Variants in WDFY3 observed in about 807,000 individuals in gnomAD.
WDFY3 encodes the protein WD repeat and FYVE domain containing 3.
Under a neutral mutation model 409.6 loss-of-function variants are expected in WDFY3, and 66 were observed. The observed-to-expected ratio is 0.16, with a 90% CI of 0.13 to 0.20. The LOEUF (loss-of-function observed/expected upper bound fraction) is 0.20, where lower values mean the gene tolerates loss of function less well. WDFY3 is among the 10% of genes least tolerant of loss of function. The pLI, the probability that WDFY3 is intolerant of heterozygous loss-of-function variation, is 1.00. For missense variants in WDFY3, 3,031 were observed against 4,298.1 expected (o/e 0.71, Z 8.24); for synonymous variants, 1,521 against 1,537.1 (o/e 0.99, Z 0.25).
chr4:84,670,907 G>C lies in WDFY3; in HGVS notation c.*1961C>G, dbSNP rs930754525. On this transcript the variant is annotated 3_prime_UTR_variant, in exon 68 of 68. Coordinates refer to ENST00000295888, the MANE Select transcript of WDFY3 (RefSeq NM_014991.6). ...GTGTGGGGGGAGTAAGACACAGAAA[G>C]GAAAACAGAACACAACTTTTCTTTA... is the stretch of plus-strand genomic sequence containing the variant. 2.0e-5 allele frequency: 3 copies of C among 152,408 alleles called. No individual in the cohort carries two copies. The highest frequency in any genetic ancestry group is 4.4e-5 in the Non-Finnish European group (3 of 68,018). 9.4% of individuals were successfully genotyped at this position (152,408 alleles called of 1,614,324 possible). A position where few individuals can be genotyped will look rare whatever the true frequency, so the allele number is the denominator to read the frequency against.
intron 17 of WDFY3, among the ~76,000 whole-genome samples, chr4:84,799,547 TATATAA>T (rs1260366250): frequency 6.6e-6 from 1 of 152,134 alleles, no homozygotes; most frequent in Non-Finnish European, 1.5e-5. Flanking sequence ...TCTCTGCCCC[TATATAA>T]ACTCTGTAAC....
At chr4:84,743,551 A>G in intron 37 of WDFY3, 149 bp downstream of exon 37, 1 of 424,696 alleles carries the variant, frequency 2.4e-6, no homozygotes, top group Non-Finnish European at 3.9e-6. Flanking sequence ...ACATGCAACA[A>G]GATAGACAAA....
At position 84,819,898 on chromosome 4, in the gene WDFY3, T is replaced by C. The variant is rs4569746; in HGVS notation, c.1693+187A>G. ...TCATTTTGAAATAGTAACAATCTTA[T>C]ATGTTTTGTCATCAAGGTGCTCCTG... On this transcript the variant is annotated intron_variant, in intron 12 of 67. Coordinates refer to ENST00000295888, the MANE Select transcript of WDFY3 (RefSeq NM_014991.6). 0.027 allele frequency among the ~76,000 whole-genome samples: 4,167 copies of C among 152,248 alleles called. 59 individuals carry two copies. The highest frequency in any genetic ancestry group is 0.05 in the South Asian group (240 of 4,830).
At chr4:84,722,817 G>C (rs548203432) in intron 46 of WDFY3, among the ~76,000 whole-genome samples, 1 of 152,316 alleles carries the variant, frequency 6.6e-6, no homozygotes, top group South Asian at 2.1e-4. Context: ...CTTATCCTTT[G>C]AATATTACTT....
intron 30 of WDFY3, among the ~76,000 whole-genome samples, chr4:84,767,944 G>A (rs1743970583): frequency 6.6e-6 from 1 of 152,096 alleles, no homozygotes; most frequent in African/African-American, 2.4e-5. Context: ...TGAACTGGGT[G>A]TGTTAGCACA....
intron 53 of WDFY3, among the ~76,000 whole-genome samples, chr4:84,708,217 C>T (rs1732300565): frequency 6.6e-6 from 1 of 152,130 alleles, no homozygotes; most frequent in African/African-American, 2.4e-5. Flanking sequence ...AAATCTTCTA[C>T]CAAGCCTTCT....
At chr4:84,861,029 G>T (rs907900254) in intron 3 of WDFY3, among the ~76,000 whole-genome samples, 1 of 152,028 alleles carries the variant, frequency 6.6e-6, no homozygotes, top group East Asian at 1.9e-4. Context: ...TGGGCAATAT[G>T]ACAAAACCCT....
chr4:84,765,526 T>C (rs1164434003), intron 32 of WDFY3, among the ~76,000 whole-genome samples: 1 of 152,180 alleles, frequency 6.6e-6, no homozygotes, highest in Non-Finnish European at 1.5e-5. Flanking sequence ...CTACTACTGA[T>C]AATTTGCTAA....
intron 1 of WDFY3, among the ~76,000 whole-genome samples, chr4:84,948,420 T>C (rs1003999946): frequency 6.6e-6 from 1 of 152,096 alleles, no homozygotes; most frequent in Admixed American, 6.6e-5. Flanking sequence ...CAATACTTAA[T>C]AGTATATAGA....
At chr4:84,788,910 T>C (rs766248565) in intron 22 of WDFY3, among the ~76,000 whole-genome samples, 2 of 151,988 alleles carry the variant, frequency 1.3e-5, no homozygotes, top group Non-Finnish European at 2.9e-5. Context: ...GTCCCAGCTA[T>C]TTGGGAGGCT....
chr4:84,853,767 T>G lies in WDFY3; in HGVS notation c.181-3742A>C, dbSNP rs117592896. On this transcript the variant is annotated intron_variant, in intron 4 of 67. Coordinates refer to ENST00000295888, the MANE Select transcript of WDFY3 (RefSeq NM_014991.6). ...AATGTTCTGACAAGATAAATAAAAC[T>G]GGCTTGAATTTACCAACCCAAAATC... Among the ~76,000 whole-genome samples the G allele has an allele frequency of 7.9e-5, 12 of 152,310 alleles. No homozygotes were observed. In the East Asian group the frequency reaches 2.3e-3, roughly 29 times the overall value.
chr4:84,726,739 G>A, intron 45 of WDFY3, 122 bp downstream of exon 45: 2 of 815,424 alleles, frequency 2.5e-6, no homozygotes, highest in Non-Finnish European at 3.7e-6. Context: ...CTTATAGGAA[G>A]AACAAATTGA....
chr4:84,690,925 T>C (rs1233592993), intron 60 of WDFY3, among the ~76,000 whole-genome samples: 2 of 152,104 alleles, frequency 1.3e-5, no homozygotes, highest in African/African-American at 4.8e-5. Flanking sequence ...TTCTCCAGAT[T>C]GGGAAAGTGA....
At chr4:84,721,663 C>T in intron 46 of WDFY3, 91 bp from the exon 47 acceptor site, 12 of 1,460,706 alleles carry the variant, frequency 8.2e-6, no homozygotes, top group Non-Finnish European at 1.1e-5. Context: ...TATAGATTTC[C>T]AATTTGAGAC....
chr4:84,957,970 A>T (rs1774452790), intron 1 of WDFY3, among the ~76,000 whole-genome samples: 1 of 152,206 alleles, frequency 6.6e-6, no homozygotes, highest in Non-Finnish European at 1.5e-5. Context: ...AATGAACTTT[A>T]TTTATTTAAC....
intron 21 of WDFY3, among the ~76,000 whole-genome samples, chr4:84,793,649 TTTAATTAGGACGAA>T (rs1459247647): frequency 6.6e-6 from 1 of 152,184 alleles, no homozygotes; most frequent in Non-Finnish European, 1.5e-5. Flanking sequence ...TGGAGGTAGT[TTTAATTAGGACGAA>T]TTAGTCAACA....
chr4:84,677,602 T>C (rs1454415580), intron 66 of WDFY3, among the ~76,000 whole-genome samples: 4 of 152,202 alleles, frequency 2.6e-5, no homozygotes, highest in Non-Finnish European at 5.9e-5. Flanking sequence ...CAATTTTCTT[T>C]GGATCACCCT....
At chr4:84,947,029 G>A (rs570362556) in intron 1 of WDFY3, among the ~76,000 whole-genome samples, 3 of 151,148 alleles carry the variant, frequency 2.0e-5, no homozygotes, top group South Asian at 2.1e-4. Flanking sequence ...GGATGGTCTC[G>A]ATCTCCTGAC....
chr4:84,688,590 C>A (rs1452906632), intron 61 of WDFY3, among the ~76,000 whole-genome samples: 1 of 152,160 alleles, frequency 6.6e-6, no homozygotes, highest in African/African-American at 2.4e-5. Context: ...TTCTTTATAC[C>A]ATTTTTATGT....
Sources: gnomAD v4.1 joint callset for allele counts (sites outside exome capture counted in the v4.1 genomes callset) on GRCh38, gnomAD v4.1.1 for gene constraint, MANE v1.5 for transcripts, NCBI Gene and HGNC (gene_info 2026-07-23, HGNC 2026-07-21) for gene names.